Variants in BORCS8 observed in about 807,000 individuals in gnomAD.
The protein encoded by BORCS8 is BLOC-1 related complex subunit 8.
BORCS8 carries 13 observed loss-of-function variants against 18.7 expected under a neutral mutation model. That is an observed-to-expected ratio of 0.70 (90% CI 0.45 to 1.11). The LOEUF (loss-of-function observed/expected upper bound fraction) is 1.11, where lower values mean the gene tolerates loss of function less well. Among genes scored for constraint, BORCS8 ranks in the 50% least tolerant of loss-of-function variants. The pLI is 0.00. For missense variants in BORCS8, 165 were observed against 165.7 expected, an observed-to-expected ratio of 1.00 and a Z score of 0.02; for synonymous variants, 68 against 64.8, an observed-to-expected ratio of 1.05 and a Z score of -0.24.
At position 19,182,007 on chromosome 19, in the gene BORCS8, C is replaced by A; in HGVS notation, c.326+566G>T. 2.0e-6 allele frequency: 2 copies of A among 985,464 alleles called. No homozygotes were observed. Among genetic ancestry groups the A allele is most frequent in the South Asian group, 9.4e-5 (2 of 21,292 alleles). 61.0% of individuals were successfully genotyped at this position (985,464 alleles called of 1,614,324 possible). Reference sequence around the variant, plus strand: ...TCGTTTTCAGACCCCTGGTCCTGGGCTTAAAGCCTCCCTTGGCTCTGGGTC... The same window carrying A: ...TCGTTTTCAGACCCCTGGTCCTGGGATTAAAGCCTCCCTTGGCTCTGGGTC... On this transcript the variant is annotated intron_variant, in intron 4 of 5. Transcript: ENST00000462790. The surrounding 1 kb of genome is among the most constrained non-coding windows in gnomAD (Gnocchi z 4.1).
chr19:19,184,224 G>A (rs2060382757), intron 3 of BORCS8, among the ~76,000 whole-genome samples: 1 of 151,758 alleles, frequency 6.6e-6, no homozygotes, highest in South Asian at 2.1e-4. Context: ...GCCACCCATG[G>A]CGTAGGTTCC....
At position 19,182,613 on chromosome 19, in the gene BORCS8, T is replaced by C. The variant is rs779231124; in HGVS notation, c.286A>G (p.Ser96Gly). 5.8e-6 allele frequency: 9 copies of C among 1,551,338 alleles called. No homozygotes were observed. In the South Asian group the frequency reaches 5.9e-5, roughly 10 times the overall value. ...SVEGLLKQAISIRDHMNASAQ... is the reference protein window; with the variant it reads ...SVEGLLKQAIGIRDHMNASAQ... ...CTGGCATTCATATGGTCCCGGATGC[T>C]GATGGCCTGTTTGAGCAGACCCTCC... is the stretch of plus-strand genomic sequence containing the variant. Residue 96 changes from serine (S) to glycine (G), a missense_variant, in exon 4 of 6, where the codon AGC becomes GGC. Coordinates refer to ENST00000462790, the MANE Select transcript of BORCS8 (RefSeq NM_001145784.2). This position sits in a 1 kb window ranked among gnomAD's most constrained non-coding sequence, Gnocchi z 4.1.
chr19:19,180,352 T>A (rs756793), intron 5 of BORCS8: 1 of 354,368 alleles, frequency 2.8e-6, no homozygotes, highest in East Asian at 7.1e-5. Flanking sequence ...TAAAGCAGGC[T>A]GCTGGCACGT....
intron 1 of BORCS8, among the ~76,000 whole-genome samples, chr19:19,188,154 C>A (rs2060429063): frequency 6.6e-6 from 1 of 151,932 alleles, no homozygotes; most frequent in Non-Finnish European, 1.5e-5. Flanking sequence ...CTCAGCCTCC[C>A]GCGTAGCTGG....
At chr19:19,185,380 G>A (rs1026193023) in intron 3 of BORCS8, among the ~76,000 whole-genome samples, 1 of 152,130 alleles carries the variant, frequency 6.6e-6, no homozygotes, top group African/African-American at 2.4e-5. Context: ...AGGAGGCAAG[G>A]GGTCAGTAAC....
At chr19:19,187,030 G>A (rs2060416038) in intron 1 of BORCS8, 25 bp from the exon 2 acceptor site, 1 of 1,525,960 alleles carries the variant, frequency 6.6e-7, no homozygotes, top group Non-Finnish European at 8.9e-7. Context: ...TAGGGATGGG[G>A]CGGGTGTGGG....
Position 19,184,200 on chromosome 19 carries a change from T to C in BORCS8, c.216-1517A>G, listed in dbSNP as rs531532889. ...CCAGTTTCATTTTAACGAGTTAAAA[T>C]TGAAGTGTGCTTAGCCACCCATGGC... On this transcript the variant is annotated intron_variant, in intron 3 of 5. Transcript: ENST00000462790. Among the ~76,000 whole-genome samples, 7 of 151,974 alleles carry C rather than the reference T, an allele frequency of 4.6e-5. No individual in the cohort carries two copies. In the East Asian group the frequency reaches 7.8e-4, roughly 17 times the overall value.
intron 1 of BORCS8, among the ~76,000 whole-genome samples, chr19:19,187,936 A>G (rs1193981988): frequency 6.6e-6 from 1 of 151,630 alleles, no homozygotes; most frequent in East Asian, 1.9e-4. Flanking sequence ...CGAAACTCCC[A>G]GCCTCAAGGC....
At chr19:19,187,331 C>T (rs561375366) in intron 1 of BORCS8, among the ~76,000 whole-genome samples, 1 of 152,094 alleles carries the variant, frequency 6.6e-6, no homozygotes, top group Admixed American at 6.5e-5. Flanking sequence ...AAAAATTAGC[C>T]AGGCATGATG....
chr19:19,181,023 C>G (rs149545019), intron 4 of BORCS8, among the ~76,000 whole-genome samples: 1 of 151,808 alleles, frequency 6.6e-6, no homozygotes, highest in South Asian at 2.1e-4. Flanking sequence ...GGCGAAACCC[C>G]GTCTCTACTA....
At chr19:19,181,473 G>A (rs567965604) in intron 4 of BORCS8, among the ~76,000 whole-genome samples, 2 of 152,336 alleles carry the variant, frequency 1.3e-5, no homozygotes, top group South Asian at 4.1e-4. Flanking sequence ...AACTCAAGCT[G>A]CTACTAATAT....
rs963198252 is a variant in BORCS8, at chr19:19,192,148, G to A, written c.-31C>T. The stretch of plus-strand genomic sequence containing the variant: ...CCGCGGCCGAGCGAACCGGGAAACG[G>A]CACCGGAAGCCCGGAGGTTGGGACG... On this transcript the variant is annotated 5_prime_UTR_variant, in exon 1 of 6. Transcript: ENST00000462790. 4 of 1,550,728 alleles carry A rather than the reference G, an allele frequency of 2.6e-6. No individual in the cohort carries two copies. The highest frequency in any genetic ancestry group is 1.4e-5 in the African/African-American group (1 of 73,048).
Position 19,186,274 on chromosome 19 carries a change from C to G in BORCS8, c.151-176G>C, listed in dbSNP as rs2060408134. On this transcript the variant is annotated intron_variant, in intron 2 of 5. Transcript: ENST00000462790. ...TTTCTGTGAACACCTGGCCACCATG[C>G]CTCAGGGCCTTTGCACAGGCTGTTC... Among the ~76,000 whole-genome samples, 3 of 152,238 alleles carry G rather than the reference C, an allele frequency of 2.0e-5. No individual in the cohort carries two copies. In the South Asian group the frequency reaches 6.2e-4, roughly 32 times the overall value.
chr19:19,183,083 C>T (rs1332107024), intron 3 of BORCS8, among the ~76,000 whole-genome samples: 7 of 152,172 alleles, frequency 4.6e-5, no homozygotes, highest in Admixed American at 4.6e-4. Flanking sequence ...TGAGACCAGC[C>T]TGGGCAACAC....
At position 19,182,655 on chromosome 19, in the gene BORCS8, C is replaced by T. The variant is rs368226313; in HGVS notation, c.244G>A (p.Val82Ile). ...SAVKNLVDSS[V>I]YFRSVEGLLK... ...AGACCCTCCACGCTGCGGAAGTAGA[C>T]GCTGCTGTCCACCAGGTTCTTCACG... The change falls in exon 4 of 6, where the codon GTC becomes ATC. Residue 82 changes from valine (V) to isoleucine (I), a missense_variant. Physicochemically the swap from Val to Ile is conservative, Grantham distance 29 (BLOSUM62 3). Coordinates refer to ENST00000462790, the MANE Select transcript of BORCS8 (RefSeq NM_001145784.2). The surrounding 1 kb of genome is among the most constrained non-coding windows in gnomAD (Gnocchi z 4.1). The T allele has an allele frequency of 6.1e-5, 95 of 1,550,986 alleles. No individual in the cohort carries two copies. The highest frequency in any genetic ancestry group is 7.2e-5 in the Non-Finnish European group (83 of 1,146,882).
At chr19:19,180,811 A>G (rs1763872522) in intron 4 of BORCS8, 50 bp from the exon 5 acceptor site, 4 of 1,505,840 alleles carry the variant, frequency 2.7e-6, no homozygotes, top group Non-Finnish European at 2.7e-6. Context: ...AGAGGCCACA[A>G]GGCTTGCTCA....
chr19:19,190,793 A>G (rs1292181073), intron 1 of BORCS8, among the ~76,000 whole-genome samples: 1 of 151,358 alleles, frequency 6.6e-6, no homozygotes, highest in South Asian at 2.1e-4. Context: ...CGTCTCAAAT[A>G]AAAAAAAAGA....
chr19:19,186,400 C>T (rs965016005), intron 2 of BORCS8, among the ~76,000 whole-genome samples: 2 of 152,200 alleles, frequency 1.3e-5, no homozygotes, highest in South Asian at 2.1e-4. Flanking sequence ...TGTGTCCCCA[C>T]CCAAATCTCA....
rs561093198 is a variant in BORCS8 at position 19,186,076 on chromosome 19, T to C, written c.173A>G (p.Glu58Gly). ...QHKADMQRWE[E>G]QSQGAIYTVE... ...AGTGTAGATGGCTCCCTGGCTCTGC[T>C]CCTCCCAACGCTGCATGTCTGCCTG... Residue 58 changes from glutamate to glycine, a missense_variant, in exon 3 of 6, where the codon GAG (glutamate) becomes GGG (glycine). Transcript: ENST00000462790. 5 of 1,551,334 alleles carry C rather than the reference T, an allele frequency of 3.2e-6. No homozygotes were observed. The South Asian group carries it at 5.9e-5, about 18-fold the overall frequency.
Sources: gnomAD v4.1 joint callset for allele counts (sites outside exome capture counted in the v4.1 genomes callset) on GRCh38, gnomAD v4.1.1 for gene constraint, Gnocchi (gnomAD v3.1) non-coding constraint, MANE v1.5 for transcripts, NCBI Gene and HGNC (gene_info 2026-07-23, HGNC 2026-07-21) for gene names.